The following GANC variants were observed in gnomAD, a reference collection of about 807,000 sequenced individuals.
GANC encodes the protein neutral alpha-glucosidase C.
GANC carries 117 observed loss-of-function variants against 124.2 expected under a neutral mutation model. The observed-to-expected ratio is 0.94, with a 90% CI of 0.81 to 1.10. GANC has a LOEUF of 1.10. Ranked by LOEUF, GANC falls within the 50% of genes least tolerant of loss-of-function variation. The pLI is 0.00. For missense variants in GANC, 1,140 were observed against 1,095.0 expected (o/e 1.04, Z -0.58); for synonymous variants, 377 against 376.8 (o/e 1.00, Z -0.01).
rs1479277177 is a variant in GANC at position 42,274,424 on chromosome 15, AG to A, written c.-57del. The stretch of plus-strand genomic sequence containing the variant: ...AAGACACCCAATCGGCTTTTTTAAA[AG>A]ATCGCCCAGGGCCCTTGTCCTGAGA... On this transcript the variant is annotated 5_prime_UTR_variant, in exon 1 of 24. It introduces an in-frame stop codon into an upstream open reading frame of the 5' UTR. Transcript: ENST00000318010. 9 of 1,580,682 alleles carry A rather than the reference AG, an allele frequency of 5.7e-6. No homozygotes were observed. The highest frequency in any genetic ancestry group is 6.9e-6 in the Non-Finnish European group (8 of 1,162,406).
At position 42,309,505 on chromosome 15, in the gene GANC, C is replaced by T. The variant is rs567005830; in HGVS notation, c.723-778C>T. Among the ~76,000 whole-genome samples, 23 of 151,716 alleles carry T rather than the reference C, an allele frequency of 1.5e-4. No homozygotes were observed. The East Asian group carries it at 4.3e-3, about 29-fold the overall frequency. On this transcript the variant is annotated intron_variant, in intron 8 of 23. Transcript: ENST00000318010. ...CAGCTAATTTTTGTATTTTTAATAG[C>T]GTCAGGCTTTCACAGTGTTGGCCAG...
intron 18 of GANC, among the ~76,000 whole-genome samples, 168 bp from the exon 19 acceptor site, chr15:42,342,910 A>G (rs1005830060): frequency 1.3e-5 from 2 of 150,400 alleles, no homozygotes; most frequent in African/African-American, 2.4e-5. Flanking sequence ...CCCTCTTTCT[A>G]TCAGTGCATC....
chr15:42,282,992 C>T (rs1445405099), intron 3 of GANC, among the ~76,000 whole-genome samples: 1 of 152,192 alleles, frequency 6.6e-6, no homozygotes, highest in African/African-American at 2.4e-5. Flanking sequence ...TGAGGACTTC[C>T]TCAACCTCGT....
At chr15:42,314,155 A>G in intron 10 of GANC, 1 of 761,550 alleles carries the variant, frequency 1.3e-6, no homozygotes, top group Non-Finnish European at 2.4e-6. Context: ...CTTGAAGAAA[A>G]ATTCAGATTG....
intron 10 of GANC, among the ~76,000 whole-genome samples, chr15:42,319,473 T>C (rs2052138308): frequency 6.6e-6 from 1 of 152,122 alleles, no homozygotes; most frequent in African/African-American, 2.4e-5. Context: ...GCCTCCTGAG[T>C]AGCTGGGACT....
intron 6 of GANC, among the ~76,000 whole-genome samples, chr15:42,298,133 A>T (rs1397184638): frequency 6.6e-6 from 1 of 152,190 alleles, no homozygotes; most frequent in South Asian, 2.1e-4. Context: ...CACAAGTCAA[A>T]AAGTTGTATA....
Position 42,340,739 on chromosome 15 carries a change from G to A in GANC, c.2137G>A (p.Asp713Asn). ...TGAACTAAAGACTTTTGATATGGAA[G>A]ATGAATACATGCTGGGTGAGCATTT... The part of the protein sequence containing the change: ...PDELKTFDME[D>N]EYMLGSALLV... The change falls in exon 18 of 24, where the codon GAT becomes AAT. Residue 713 changes from aspartate to asparagine, a missense_variant. Asp to Asn is a conservative substitution (Grantham distance 23). Coordinates refer to ENST00000318010, the MANE Select transcript of GANC (RefSeq NM_198141.3). 6.3e-7 allele frequency: 1 copy of A among 1,587,858 alleles called. No individual in the cohort carries two copies. The highest frequency in any genetic ancestry group is 8.6e-7 in the Non-Finnish European group (1 of 1,164,992).
chr15:42,325,958 A>G (rs541379353), intron 11 of GANC, among the ~76,000 whole-genome samples: 11 of 152,210 alleles, frequency 7.2e-5, no homozygotes, highest in South Asian at 6.2e-4. Context: ...GTGTTCCACT[A>G]TGTTGCCCAG....
chr15:42,274,345 G>C lies in GANC; in HGVS notation c.-137G>C. On this transcript the variant is annotated 5_prime_UTR_variant, in exon 1 of 24. Transcript: ENST00000318010. ...AGATTTGTCACTCCATGAGAATCTG[G>C]AGGGGACTCCCTTCCCAGAAACTTG... 1.2e-6 allele frequency: 1 copy of C among 838,020 alleles called. No individual in the cohort carries two copies. Among genetic ancestry groups the C allele is most frequent in the East Asian group, 2.8e-5 (1 of 35,308 alleles). The allele number at this position is 838,020 out of a possible 1,614,324, so 51.9% of individuals were successfully genotyped here.
intron 5 of GANC, among the ~76,000 whole-genome samples, chr15:42,293,918 G>T (rs889098419): frequency 6.6e-6 from 1 of 151,414 alleles, no homozygotes; most frequent in African/African-American, 2.5e-5. Context: ...GAGTTTAATA[G>T]CACATGCCTG....
intron 22 of GANC, among the ~76,000 whole-genome samples, chr15:42,350,280 T>G (rs2052416171): frequency 6.6e-6 from 1 of 152,020 alleles, no homozygotes; most frequent in Admixed American, 6.6e-5. Flanking sequence ...TCTGCCCACT[T>G]CGGCCTCCCA....
Position 42,345,813 on chromosome 15 carries a change from T to A in GANC, c.2285T>A (p.Ile762Asn). The change falls in exon 20 of 24, where the codon ATC (isoleucine) becomes AAC (asparagine). Residue 762 changes from isoleucine to asparagine, a missense_variant. Physicochemically the swap from Ile to Asn is moderately radical, Grantham distance 149. Transcript: ENST00000318010. Reference protein sequence around the residue: ...AHWEGGCTVKIPVALDTIPVF... With the variant: ...AHWEGGCTVKNPVALDTIPVF... ...TGGGAAGGAGGGTGTACTGTAAAGA[T>A]CCCAGTAGCCTTGGACACTGTAAGT... 6.2e-7 allele frequency: 1 copy of A among 1,610,854 alleles called. No individual in the cohort carries two copies. The highest frequency in any genetic ancestry group is 8.5e-7 in the Non-Finnish European group (1 of 1,177,096).
At chr15:42,329,173 T>G in intron 13 of GANC, 133 bp from the exon 14 acceptor site, 1 of 877,870 alleles carries the variant, frequency 1.1e-6, no homozygotes, top group Non-Finnish European at 1.7e-6. Context: ...CCTGTGGAAC[T>G]TATACTCTAG....
At chr15:42,314,247 A>G (rs1054762195) in intron 10 of GANC, 2 of 697,174 alleles carry the variant, frequency 2.9e-6, no homozygotes, top group African/African-American at 3.5e-5. Context: ...GTAGCTACCC[A>G]GCATGGAATT....
At chr15:42,341,437 G>A (rs2052328729) in intron 18 of GANC, among the ~76,000 whole-genome samples, 1 of 152,148 alleles carries the variant, frequency 6.6e-6, no homozygotes, top group Non-Finnish European at 1.5e-5. Flanking sequence ...TTTTTCTTTG[G>A]TTGACCTCTT....
chr15:42,314,189 C>A, intron 10 of GANC: 1 of 759,532 alleles, frequency 1.3e-6, no homozygotes. Flanking sequence ...ACAAGTTGGC[C>A]AGAAAATATT....
At chr15:42,301,377 A>G (rs1265050005) in intron 6 of GANC, among the ~76,000 whole-genome samples, 1 of 152,006 alleles carries the variant, frequency 6.6e-6, no homozygotes, top group Non-Finnish European at 1.5e-5. Context: ...AGACCAGGAG[A>G]TTCCCTCAGG....
At chr15:42,281,145 A>G (rs1169513720) in intron 3 of GANC, 1 of 702,048 alleles carries the variant, frequency 1.4e-6, no homozygotes, top group South Asian at 1.5e-5. Flanking sequence ...TATTAGAAAT[A>G]TCAGAACCAC....
chr15:42,330,687 A>G lies in GANC; in HGVS notation c.1741+15A>G, dbSNP rs756924263. The G allele has an allele frequency of 1.9e-6, 3 of 1,573,650 alleles. No homozygotes were observed. Among genetic ancestry groups the G allele is most frequent in the Admixed American group, 1.8e-5 (1 of 54,508 alleles). ...ACAAAAGTATGGTAAGGAATGGCTCATATCAGACTTAAAAACACATTAGCA... is the reference window on the plus strand; with the variant it reads ...ACAAAAGTATGGTAAGGAATGGCTCGTATCAGACTTAAAAACACATTAGCA... On this transcript the variant is annotated intron_variant, in intron 15 of 23. Coordinates refer to ENST00000318010, the MANE Select transcript of GANC (RefSeq NM_198141.3).
Sources: allele counts gnomAD v4.1 joint callset (sites outside exome capture counted in the v4.1 genomes callset), GRCh38; gene constraint gnomAD v4.1.1; transcripts MANE v1.5; gene names NCBI Gene and HGNC (gene_info 2026-07-23, HGNC 2026-07-21).